The following ADCYAP1R1 variants were observed in gnomAD, a reference collection of about 807,000 sequenced individuals.
ADCYAP1R1 encodes pituitary adenylate cyclase-activating polypeptide type I receptor.
A neutral mutation model predicts 67.6 loss-of-function variants in ADCYAP1R1; 44 were observed. The observed-to-expected ratio is 0.65, with a 90% confidence interval of 0.51 to 0.84. The LOEUF (loss-of-function observed/expected upper bound fraction) is 0.84, where lower values mean the gene tolerates loss of function less well. Ranked by LOEUF, ADCYAP1R1 falls within the 40% of genes least tolerant of loss-of-function variation. The pLI, the probability that ADCYAP1R1 is intolerant of heterozygous loss-of-function variation, is 0.00. For synonymous variants in ADCYAP1R1, 222 were observed against 219.6 expected, an observed-to-expected ratio of 1.01 and a Z score of -0.10; for missense variants, 477 against 587.9, an observed-to-expected ratio of 0.81 and a Z score of 1.95.
intron 13 of ADCYAP1R1, among the ~76,000 whole-genome samples, chr7:31,098,705 G>GC (rs1425808264): frequency 4.3e-5 from 1 of 23,036 alleles, no homozygotes; most frequent in East Asian, 8.2e-3. Flanking sequence ...CAGCGGGGCG[G>GC]GGGGGGGGGG....
intron 8 of ADCYAP1R1, among the ~76,000 whole-genome samples, 172 bp downstream of exon 8, chr7:31,085,006 C>T (rs1050193683): frequency 1.3e-5 from 2 of 152,222 alleles, no homozygotes; most frequent in East Asian, 3.9e-4. Context: ...GGGCAACTGA[C>T]TTGTCCAGGG....
chr7:31,053,152 C>T (rs1473668305), intron 1 of ADCYAP1R1, among the ~76,000 whole-genome samples: 1 of 151,520 alleles, frequency 6.6e-6, no homozygotes, highest in Non-Finnish European at 1.5e-5. Context: ...CCGCAATCCG[C>T]ACGGGGTTTG....
chr7:31,096,791 T>C (rs777464155), intron 13 of ADCYAP1R1, among the ~76,000 whole-genome samples: 1 of 152,114 alleles, frequency 6.6e-6, no homozygotes, highest in Non-Finnish European at 1.5e-5. Context: ...CACAGCATCT[T>C]AGCATCAGGA....
rs1329868916 is a variant in ADCYAP1R1 at position 31,104,910 on chromosome 7, G to T, written c.1218+1G>T. 1 of 1,614,182 alleles carries T rather than the reference G, an allele frequency of 6.2e-7. No individual in the cohort carries two copies. Among genetic ancestry groups the T allele is most frequent in the Admixed American group, 1.7e-5 (1 of 60,028 alleles). On this transcript the variant is annotated splice_donor_variant, in intron 15 of 15. Transcript: ENST00000304166. LOFTEE classifies it high-confidence loss of function. ...TCTCTACTGTTTTCTGAATGGTGAGGTAAGACCTTGGCCCTCTGGCTTCTT... is the reference window on the plus strand; with the variant it reads ...TCTCTACTGTTTTCTGAATGGTGAGTTAAGACCTTGGCCCTCTGGCTTCTT...
At chr7:31,094,093 A>G (rs1361991180) in intron 13 of ADCYAP1R1, among the ~76,000 whole-genome samples, 1 of 152,156 alleles carries the variant, frequency 6.6e-6, no homozygotes, top group East Asian at 1.9e-4. Flanking sequence ...TTTTCTACCT[A>G]TACAATGATT....
chr7:31,105,064 G>C (rs1273539995), intron 15 of ADCYAP1R1, among the ~76,000 whole-genome samples, 155 bp downstream of exon 15: 1 of 152,144 alleles, frequency 6.6e-6, no homozygotes, highest in East Asian at 1.9e-4. Flanking sequence ...TACAGCTCCT[G>C]GCATTGTGTG....
At chr7:31,095,392 T>C (rs1406431920) in intron 13 of ADCYAP1R1, among the ~76,000 whole-genome samples, 1 of 152,138 alleles carries the variant, frequency 6.6e-6, no homozygotes, top group Non-Finnish European at 1.5e-5. Flanking sequence ...AAAATTAGGC[T>C]TCCTGGAAGA....
intron 13 of ADCYAP1R1, among the ~76,000 whole-genome samples, chr7:31,101,875 G>A (rs1208452546): frequency 2.6e-5 from 4 of 152,190 alleles, no homozygotes; most frequent in Non-Finnish European, 2.9e-5. Context: ...GAACCTGCTC[G>A]GATCCTGGTG....
intron 5 of ADCYAP1R1, among the ~76,000 whole-genome samples, chr7:31,081,361 C>A (rs1795503505): frequency 6.6e-6 from 1 of 152,120 alleles, no homozygotes. Flanking sequence ...CTGTGGTTTG[C>A]CCTTTTTTTG....
chr7:31,078,606 G>A (rs903210087), intron 4 of ADCYAP1R1, among the ~76,000 whole-genome samples: 12 of 152,342 alleles, frequency 7.9e-5, no homozygotes, highest in Middle Eastern at 3.4e-3. Context: ...AATGAGACGC[G>A]TGGGGAAGGC....
At chr7:31,053,178 A>G (rs1333440978) in intron 1 of ADCYAP1R1, among the ~76,000 whole-genome samples, 2 of 148,744 alleles carry the variant, frequency 1.3e-5, no homozygotes, top group Non-Finnish European at 3.0e-5. Flanking sequence ...TGGGCAAGCA[A>G]TGTGCTAGGT....
At chr7:31,058,599 C>T (rs943090246) in intron 1 of ADCYAP1R1, among the ~76,000 whole-genome samples, 8 of 152,152 alleles carry the variant, frequency 5.3e-5, no homozygotes, top group African/African-American at 1.9e-4. Context: ...CCTATCTGCA[C>T]CTTGGGAGGT....
At chr7:31,090,153 C>A (rs1023995124) in intron 12 of ADCYAP1R1, among the ~76,000 whole-genome samples, 2 of 152,182 alleles carry the variant, frequency 1.3e-5, no homozygotes, top group African/African-American at 4.8e-5. Context: ...AATGCATACA[C>A]CTTTAACTAC....
intron 13 of ADCYAP1R1, among the ~76,000 whole-genome samples, chr7:31,095,134 G>A (rs1350915013): frequency 2.6e-5 from 4 of 152,102 alleles, no homozygotes; most frequent in Admixed American, 1.3e-4. Flanking sequence ...AAATACTCGC[G>A]ACCACATCCA....
intron 3 of ADCYAP1R1, among the ~76,000 whole-genome samples, chr7:31,076,689 T>A (rs75732474): frequency 6.6e-6 from 1 of 152,152 alleles, no homozygotes; most frequent in African/African-American, 2.4e-5. Context: ...CCTGGCTGGC[T>A]TTCCCCTCTT....
rs561323893 is a variant in ADCYAP1R1 at position 31,086,416 on chromosome 7, C to T, written c.702C>T (p.His234=). 20 of 1,614,214 alleles carry T rather than the reference C, an allele frequency of 1.2e-5. No homozygotes were observed. In the South Asian group the frequency reaches 1.5e-4, roughly 12 times the overall value. ...GTAAGGCCGTCATGGTTTTCTTCCA[C>T]TACTGTGTTGTGTCCAACTACTTCT... ...VECKAVMVFF[H]YCVVSNYFWL... The change falls in exon 10 of 16, where the codon CAC becomes CAT. Residue 234 remains histidine (H), a synonymous_variant. Coordinates refer to ENST00000304166, the MANE Select transcript of ADCYAP1R1 (RefSeq NM_001118.5). This position sits in a 1 kb window ranked among gnomAD's most constrained non-coding sequence, Gnocchi z 5.0.
chr7:31,058,807 G>A (rs140969532), intron 1 of ADCYAP1R1, among the ~76,000 whole-genome samples: 10 of 152,326 alleles, frequency 6.6e-5, no homozygotes, highest in East Asian at 1.9e-4. Flanking sequence ...GGCAGTGGAA[G>A]CATAGGGATG....
chr7:31,077,463 ATGTGTGTGGTGTGTGTAGT>A (rs1795300487), intron 3 of ADCYAP1R1, among the ~76,000 whole-genome samples: 2 of 112,396 alleles, frequency 1.8e-5, no homozygotes, highest in African/African-American at 4.2e-5. Flanking sequence ...TGTGTGGTGC[ATGTGTGTGGTGTGTGTAGT>A]GTGTGTGTGT....
At chr7:31,076,544 C>T (rs1202342072) in intron 3 of ADCYAP1R1, among the ~76,000 whole-genome samples, 2 of 152,314 alleles carry the variant, frequency 1.3e-5, no homozygotes, top group Non-Finnish European at 2.9e-5. Flanking sequence ...GATTCCTCAA[C>T]ACCTCTCAGT....
Sources: gnomAD v4.1 joint callset for allele counts (sites outside exome capture counted in the v4.1 genomes callset) on GRCh38, gnomAD v4.1.1 for gene constraint, Gnocchi (gnomAD v3.1) non-coding constraint, MANE v1.5 for transcripts, NCBI Gene and HGNC (gene_info 2026-07-23, HGNC 2026-07-21) for gene names.